IPCEF1: variants seen among roughly 807,000 people sequenced by gnomAD.
The protein encoded by IPCEF1 is interaction protein for cytohesin exchange factors 1.
Under a neutral mutation model 50.9 loss-of-function variants are expected in IPCEF1, and 31 were observed. The observed-to-expected ratio is 0.61, with a 90% confidence interval of 0.46 to 0.82. The LOEUF (loss-of-function observed/expected upper bound fraction) is 0.82. IPCEF1 is among the 40% of genes least tolerant of loss of function. The pLI, the probability that IPCEF1 is intolerant of heterozygous loss-of-function variation, is 0.00. For missense variants in IPCEF1, 458 were observed against 514.0 expected (o/e 0.89, Z 1.05); for synonymous variants, 181 against 192.0 (o/e 0.94, Z 0.47).
intron 5 of IPCEF1, among the ~76,000 whole-genome samples, chr6:154,239,026 C>T (rs993536881): frequency 5.3e-5 from 8 of 152,174 alleles, no homozygotes; most frequent in African/African-American, 1.9e-4. Context: ...GGGCATTTCA[C>T]TGCTGTGAGC....
chr6:154,210,732 T>C (rs1777892023), intron 9 of IPCEF1, among the ~76,000 whole-genome samples: 1 of 152,228 alleles, frequency 6.6e-6, no homozygotes, highest in African/African-American at 2.4e-5. Flanking sequence ...AATAATATTA[T>C]AAATGTAGTT....
chr6:154,269,467 CT>C (rs972586631), intron 2 of IPCEF1, among the ~76,000 whole-genome samples: 6 of 151,710 alleles, frequency 4.0e-5, no homozygotes, highest in African/African-American at 1.5e-4. Flanking sequence ...TACTTTGTTT[CT>C]TTTTTTTCTT....
At chr6:154,339,895 C>T (rs1432309822) in intron 1 of IPCEF1, among the ~76,000 whole-genome samples, 1 of 152,014 alleles carries the variant, frequency 6.6e-6, no homozygotes, top group Non-Finnish European at 1.5e-5. Context: ...CCGCTCCTGG[C>T]CAAGTGATAA....
intron 1 of IPCEF1, among the ~76,000 whole-genome samples, chr6:154,315,624 G>A (rs1042878390): frequency 6.6e-6 from 1 of 152,066 alleles, no homozygotes; most frequent in Non-Finnish European, 1.5e-5. Context: ...CTAAGTCCCG[G>A]ATTTTATCTT....
chr6:154,185,986 T>C (rs898902987), intron 10 of IPCEF1, among the ~76,000 whole-genome samples: 3 of 152,222 alleles, frequency 2.0e-5, no homozygotes, highest in Non-Finnish European at 4.4e-5. Context: ...TTAACAGGGG[T>C]TATTGCTTGT....
chr6:154,265,685 A>G (rs999965904), intron 3 of IPCEF1, among the ~76,000 whole-genome samples: 11 of 152,200 alleles, frequency 7.2e-5, no homozygotes, highest in Admixed American at 2.0e-4. Flanking sequence ...TGTACAGTAT[A>G]TTAAAACCAT....
At chr6:154,314,056 G>A (rs1322075218) in intron 1 of IPCEF1, among the ~76,000 whole-genome samples, 1 of 152,080 alleles carries the variant, frequency 6.6e-6, no homozygotes, top group Non-Finnish European at 1.5e-5. Context: ...ACATCTTCTG[G>A]TTCTGTTTTT....
chr6:154,273,720 C>CTTTTT (rs1562574986), intron 2 of IPCEF1, among the ~76,000 whole-genome samples: 3 of 25,452 alleles, frequency 1.2e-4, no homozygotes, highest in Non-Finnish European at 2.6e-4. Context: ...TTCTTTCTTT[C>CTTTTT]TTTCTTTTTT....
At position 154,264,131 on chromosome 6, in the gene IPCEF1, A is replaced by T. The variant is rs188115986; in HGVS notation, c.36+1781T>A. Among the ~76,000 whole-genome samples, 8 of 151,666 alleles carry T rather than the reference A, an allele frequency of 5.3e-5. No homozygotes were observed. The East Asian group carries it at 1.4e-3, about 26-fold the overall frequency. On this transcript the variant is annotated intron_variant, in intron 3 of 11. Transcript: ENST00000367220. ...ATTTATGCTCCTTGTAATTATTCAC[A>T]TTTCTATTATCAAAAAACACCCACC...
chr6:154,292,148 T>C (rs556230955), intron 1 of IPCEF1, among the ~76,000 whole-genome samples: 1 of 152,320 alleles, frequency 6.6e-6, no homozygotes, highest in East Asian at 1.9e-4. Context: ...CTTTTACCTT[T>C]CAGGACATGT....
chr6:154,211,025 C>G (rs972532602), intron 9 of IPCEF1, among the ~76,000 whole-genome samples: 22 of 152,136 alleles, frequency 1.4e-4, no homozygotes, highest in African/African-American at 5.1e-4. Context: ...AACAGAAATT[C>G]TGGCAGAAAA....
intron 1 of IPCEF1, among the ~76,000 whole-genome samples, chr6:154,324,630 A>T (rs1357561285): frequency 6.6e-6 from 1 of 152,080 alleles, no homozygotes; most frequent in Non-Finnish European, 1.5e-5. Context: ...CAACATGGTG[A>T]AACCCTGTCT....
At chr6:154,273,183 C>T (rs1273619068) in intron 2 of IPCEF1, among the ~76,000 whole-genome samples, 1 of 152,162 alleles carries the variant, frequency 6.6e-6, no homozygotes, top group African/African-American at 2.4e-5. Flanking sequence ...AATTATAATG[C>T]TGGCATTCAG....
At chr6:154,274,800 C>T (rs7740262) in intron 2 of IPCEF1, among the ~76,000 whole-genome samples, 143,775 of 152,292 alleles carry the variant, frequency 0.94, 67,936 homozygotes, top group East Asian at 1. Context: ...CCCACATGCA[C>T]CCTGTGTTGG....
chr6:154,200,069 G>C (rs779256570), intron 9 of IPCEF1, 29 bp from the exon 10 acceptor site: 2 of 1,556,024 alleles, frequency 1.3e-6, no homozygotes, highest in Middle Eastern at 1.7e-4. Flanking sequence ...ACCAAAAAAA[G>C]AATAAAAGAC....
chr6:154,263,361 T>C (rs1488374479), intron 3 of IPCEF1, among the ~76,000 whole-genome samples: 6 of 145,566 alleles, frequency 4.1e-5, no homozygotes, highest in Non-Finnish European at 7.5e-5. Context: ...TGAACAAAGG[T>C]CTCTGGTTTT....
intron 10 of IPCEF1, among the ~76,000 whole-genome samples, chr6:154,173,321 T>A (rs1800027994): frequency 6.6e-6 from 1 of 152,130 alleles, no homozygotes. Context: ...AGAATGAATT[T>A]GATGAGTTGA....
chr6:154,187,027 G>A (rs956217957), intron 10 of IPCEF1, among the ~76,000 whole-genome samples: 1 of 151,464 alleles, frequency 6.6e-6, no homozygotes, highest in African/African-American at 2.4e-5. Context: ...CTGGCCACAC[G>A]CCCTCCACTC....
intron 1 of IPCEF1, among the ~76,000 whole-genome samples, chr6:154,337,693 G>T (rs2128696326): frequency 6.6e-6 from 1 of 152,314 alleles, no homozygotes; most frequent in South Asian, 2.1e-4. Context: ...AACCAGGTTG[G>T]CTAGGAAGAA....
Sources: gnomAD v4.1 joint callset for allele counts (sites outside exome capture counted in the v4.1 genomes callset) on GRCh38, gnomAD v4.1.1 for gene constraint, MANE v1.5 for transcripts, NCBI Gene and HGNC (gene_info 2026-07-23, HGNC 2026-07-21) for gene names.